The following EPHA6 variants were observed in gnomAD, a reference collection of about 807,000 sequenced individuals.
EPHA6 encodes EPH receptor A6, also known as ephrin type-A receptor 6.
In EPHA6, 50 loss-of-function variants were observed where a neutral mutation model predicts 112.0. The observed-to-expected ratio is 0.45, with a 90% CI of 0.36 to 0.56. EPHA6 has a LOEUF of 0.56. Ranked by LOEUF, EPHA6 falls within the 20% of genes least tolerant of loss-of-function variation. The pLI, the probability that EPHA6 is intolerant of heterozygous loss-of-function variation, is 0.00. For synonymous variants in EPHA6, 529 were observed against 490.7 expected (o/e 1.08, Z -1.03); for missense variants, 1,280 against 1,417.4 (o/e 0.90, Z 1.56).
chr3:97,260,238 G>T (rs1361256772), intron 5 of EPHA6, among the ~76,000 whole-genome samples: 5 of 152,192 alleles, frequency 3.3e-5, no homozygotes, highest in Admixed American at 3.3e-4. Flanking sequence ...ATAGCATTTG[G>T]GTTGCCCTAA....
intron 3 of EPHA6, among the ~76,000 whole-genome samples, chr3:97,064,513 C>G (rs760327886): frequency 1.3e-5 from 2 of 152,138 alleles, no homozygotes; most frequent in Non-Finnish European, 2.9e-5. Flanking sequence ...AGATCAGAGA[C>G]TATTTTTGTT....
intron 11 of EPHA6, among the ~76,000 whole-genome samples, chr3:97,555,880 C>G (rs2093101222): frequency 6.6e-6 from 1 of 152,012 alleles, no homozygotes; most frequent in Non-Finnish European, 1.5e-5. Flanking sequence ...TGTAGGTTGC[C>G]TGTTCACTCT....
At chr3:97,247,361 A>C (rs1455006503) in intron 5 of EPHA6, among the ~76,000 whole-genome samples, 1 of 151,868 alleles carries the variant, frequency 6.6e-6, no homozygotes, top group African/African-American at 2.4e-5. Flanking sequence ...GTCTGGTGGG[A>C]GGCAGTTAAT....
At chr3:97,258,250 AT>A (rs1183373123) in intron 5 of EPHA6, among the ~76,000 whole-genome samples, 9 of 147,906 alleles carry the variant, frequency 6.1e-5, no homozygotes, top group African/African-American at 2.1e-4. Flanking sequence ...GTATATATAT[AT>A]ACACACACAC....
intron 2 of EPHA6, among the ~76,000 whole-genome samples, chr3:96,874,554 A>T (rs1323804130): frequency 6.6e-6 from 1 of 152,108 alleles, no homozygotes; most frequent in Non-Finnish European, 1.5e-5. Context: ...TCATTCTCAA[A>T]ATGTCTTCTA....
chr3:96,970,266 C>A (rs896732851), intron 2 of EPHA6, among the ~76,000 whole-genome samples: 102 of 144,740 alleles, frequency 7.0e-4, no homozygotes, highest in Non-Finnish European at 1.2e-3. Flanking sequence ...CACACACACA[C>A]AAACACACAC....
At chr3:97,602,954 A>G (rs771168905) in intron 12 of EPHA6, among the ~76,000 whole-genome samples, 1 of 152,014 alleles carries the variant, frequency 6.6e-6, no homozygotes, top group Non-Finnish European at 1.5e-5. Context: ...TCAACTATTA[A>G]TTATTACATA....
intron 3 of EPHA6, among the ~76,000 whole-genome samples, chr3:97,014,331 T>A (rs1269204780): frequency 6.6e-6 from 1 of 151,718 alleles, no homozygotes; most frequent in Admixed American, 6.6e-5. Context: ...CTTCCCTCCT[T>A]CCCTCCCTTC....
chr3:97,210,198 G>A (rs1353714631), intron 3 of EPHA6, among the ~76,000 whole-genome samples: 2 of 152,034 alleles, frequency 1.3e-5, no homozygotes, highest in African/African-American at 4.8e-5. Context: ...CCAGAGAATG[G>A]GTAATTTATA....
chr3:97,181,585 A>ATGTG lies in EPHA6; in HGVS notation c.1115-44669_1115-44666dup, dbSNP rs10663774. ...TCAAATAGCAGAAGTGTATATATAT[A>ATGTG]TGTGTGTGTGTGTATATATGTGTGT... On this transcript the variant is annotated intron_variant, in intron 3 of 17. Transcript: ENST00000389672. Among the ~76,000 whole-genome samples the ATGTG allele has an allele frequency of 1.5e-3, 223 of 150,840 alleles. 1 individual carries two copies. The highest frequency in any genetic ancestry group is 2.4e-3 in the Non-Finnish European group (163 of 67,830).
chr3:97,563,878 A>G (rs542699287), intron 11 of EPHA6, among the ~76,000 whole-genome samples: 32 of 152,306 alleles, frequency 2.1e-4, no homozygotes, highest in African/African-American at 7.2e-4. Flanking sequence ...AATTCTGTTT[A>G]TTAGTATCAA....
intron 2 of EPHA6, among the ~76,000 whole-genome samples, chr3:96,983,669 C>T (rs184490841): frequency 1.3e-5 from 2 of 152,292 alleles, no homozygotes; most frequent in African/African-American, 2.4e-5. Flanking sequence ...GTTCCATTCT[C>T]CCCATCACTT....
At chr3:97,631,212 A>AC (rs1294357100) in intron 13 of EPHA6, among the ~76,000 whole-genome samples, 2 of 152,022 alleles carry the variant, frequency 1.3e-5, no homozygotes, top group Non-Finnish European at 2.9e-5. Flanking sequence ...GACGATCAGT[A>AC]CCCCAAAAGT....
At chr3:97,490,193 T>G (rs2107519485) in intron 10 of EPHA6, among the ~76,000 whole-genome samples, 1 of 152,270 alleles carries the variant, frequency 6.6e-6, no homozygotes, top group Non-Finnish European at 1.5e-5. Flanking sequence ...GTTTATCTGG[T>G]TGCCAACAAA....
At chr3:96,972,863 T>A (rs912500472) in intron 2 of EPHA6, among the ~76,000 whole-genome samples, 1 of 152,214 alleles carries the variant, frequency 6.6e-6, no homozygotes, top group Non-Finnish European at 1.5e-5. Context: ...AAATAAAAGT[T>A]TATATTTCTT....
At chr3:97,013,644 T>C (rs1249874453) in intron 3 of EPHA6, among the ~76,000 whole-genome samples, 1 of 152,208 alleles carries the variant, frequency 6.6e-6, no homozygotes, top group Non-Finnish European at 1.5e-5. Flanking sequence ...TAAATGTATA[T>C]ACACTTTGTA....
At chr3:97,545,928 C>T (rs1371122561) in intron 11 of EPHA6, among the ~76,000 whole-genome samples, 2 of 152,150 alleles carry the variant, frequency 1.3e-5, no homozygotes, top group African/African-American at 4.8e-5. Flanking sequence ...GTAGATCTTC[C>T]TCCATCCCTT....
At chr3:97,226,517 T>C in intron 4 of EPHA6, 98 bp downstream of exon 4, 2 of 1,106,328 alleles carry the variant, frequency 1.8e-6, no homozygotes, top group Non-Finnish European at 2.6e-6. Context: ...AAATCTTGCA[T>C]TATCAATGCC....
At chr3:97,059,831 C>T (rs1329380982) in intron 3 of EPHA6, among the ~76,000 whole-genome samples, 1 of 151,728 alleles carries the variant, frequency 6.6e-6, no homozygotes, top group East Asian at 1.9e-4. Context: ...AAAATAAGAG[C>T]TAATGGCTGG....
Sources: gnomAD v4.1 joint callset for allele counts (sites outside exome capture counted in the v4.1 genomes callset) on GRCh38, gnomAD v4.1.1 for gene constraint, MANE v1.5 for transcripts, NCBI Gene and HGNC (gene_info 2026-07-23, HGNC 2026-07-21) for gene names.